Variants in TTC29 observed in about 807,000 individuals in gnomAD.
TTC29 encodes tetratricopeptide repeat domain 29, also known as tetratricopeptide repeat protein 29.
Under a neutral mutation model 58.1 loss-of-function variants are expected in TTC29, and 49 were observed. The observed-to-expected ratio is 0.84, with a 90% CI of 0.67 to 1.07. The LOEUF is 1.07. Ranked by LOEUF, TTC29 falls within the 50% of genes least tolerant of loss-of-function variation. The probability of loss-of-function intolerance (pLI) is 0.00; values close to 1 mark genes in which losing one functional copy is unlikely to be tolerated. For missense variants in TTC29, 582 were observed against 555.6 expected (o/e 1.05, Z -0.48); for synonymous variants, 209 against 196.8 (o/e 1.06, Z -0.52).
At chr4:146,801,680 A>G (rs1750229031) in intron 11 of TTC29, among the ~76,000 whole-genome samples, 1 of 152,154 alleles carries the variant, frequency 6.6e-6, no homozygotes, top group Non-Finnish European at 1.5e-5. Context: ...TTTACAGAAT[A>G]AAGAAAAACA....
At chr4:146,743,358 C>G (rs1745306501) in intron 11 of TTC29, among the ~76,000 whole-genome samples, 1 of 152,134 alleles carries the variant, frequency 6.6e-6, no homozygotes, top group Non-Finnish European at 1.5e-5. Flanking sequence ...ACCCAAGGTA[C>G]AGTCACTCTG....
rs540488448 is a variant in TTC29, at chr4:146,891,748, C to A, written c.586+11796G>T. ...CAGACAGAACCATGCTGAGGCACAG[C>A]CAGAGCACGAGTGTCTTGGGACATA... On this transcript the variant is annotated intron_variant, in intron 6 of 12. Transcript: ENST00000325106. Among the ~76,000 whole-genome samples, 3 of 152,254 alleles carry A rather than the reference C, an allele frequency of 2.0e-5. No homozygotes were observed. In the East Asian group the frequency reaches 5.8e-4, roughly 29 times the overall value.
chr4:146,709,810 G>A (rs1430720462), intron 11 of TTC29, among the ~76,000 whole-genome samples: 1 of 152,176 alleles, frequency 6.6e-6, no homozygotes, highest in African/African-American at 2.4e-5. Flanking sequence ...AATGACAATA[G>A]GGAAAATTGT....
At chr4:146,918,112 A>C (rs80238178) in intron 4 of TTC29, among the ~76,000 whole-genome samples, 1,771 of 151,172 alleles carry the variant, frequency 0.012, 33 homozygotes, top group African/African-American at 0.041. Flanking sequence ...ACTTTAGACG[A>C]AACTGTTACA....
At chr4:146,887,414 G>A (rs1164705507) in intron 6 of TTC29, among the ~76,000 whole-genome samples, 1 of 152,064 alleles carries the variant, frequency 6.6e-6, no homozygotes, top group Non-Finnish European at 1.5e-5. Context: ...CGTTAAATCA[G>A]TTTGAAAATC....
At chr4:146,894,330 C>T (rs988251171) in intron 6 of TTC29, among the ~76,000 whole-genome samples, 2 of 151,766 alleles carry the variant, frequency 1.3e-5, no homozygotes, top group East Asian at 3.9e-4. Flanking sequence ...CACATATACA[C>T]CATGGAATAC....
At chr4:146,845,414 T>A (rs1433388362) in intron 8 of TTC29, among the ~76,000 whole-genome samples, 2 of 152,194 alleles carry the variant, frequency 1.3e-5, no homozygotes, top group Non-Finnish European at 2.9e-5. Flanking sequence ...TATTTTTTTA[T>A]TAATAAATTC....
At chr4:146,794,885 G>T (rs1749730286) in intron 11 of TTC29, among the ~76,000 whole-genome samples, 1 of 152,058 alleles carries the variant, frequency 6.6e-6, no homozygotes, top group Non-Finnish European at 1.5e-5. Flanking sequence ...TTAATTCAGA[G>T]AAATCAGACT....
intron 4 of TTC29, among the ~76,000 whole-genome samples, chr4:146,909,731 T>C (rs1459690799): frequency 2.0e-5 from 3 of 152,188 alleles, no homozygotes; most frequent in Non-Finnish European, 2.9e-5. Context: ...TTACTAACTA[T>C]ATATTTTTTA....
At chr4:146,736,227 A>G (rs1744697651) in intron 11 of TTC29, among the ~76,000 whole-genome samples, 1 of 151,828 alleles carries the variant, frequency 6.6e-6, no homozygotes, top group African/African-American at 2.4e-5. Context: ...TTGGCTGGGG[A>G]CCCAAAGCCT....
chr4:146,831,281 A>T (rs1177102669), intron 9 of TTC29, among the ~76,000 whole-genome samples: 16 of 152,164 alleles, frequency 1.1e-4, no homozygotes, highest in Admixed American at 1.0e-3. Context: ...AATTAAAAAA[A>T]ATAGATAGGT....
At chr4:146,869,995 A>T (rs1451175701) in intron 7 of TTC29, among the ~76,000 whole-genome samples, 1 of 152,100 alleles carries the variant, frequency 6.6e-6, no homozygotes, top group African/African-American at 2.4e-5. Context: ...ACATAAAGAG[A>T]GAGAAAATAA....
chr4:146,914,477 T>G (rs1159548172), intron 4 of TTC29, among the ~76,000 whole-genome samples: 1 of 152,154 alleles, frequency 6.6e-6, no homozygotes, highest in Admixed American at 6.6e-5. Context: ...CTTGAACTGA[T>G]GCCATGATAC....
At chr4:146,711,245 T>C (rs1193260818) in intron 11 of TTC29, among the ~76,000 whole-genome samples, 1 of 152,140 alleles carries the variant, frequency 6.6e-6, no homozygotes, top group Non-Finnish European at 1.5e-5. Flanking sequence ...TTACCTTAAA[T>C]TTAAAACTCA....
At chr4:146,908,903 T>C in intron 5 of TTC29, 123 bp downstream of exon 5, 2 of 805,488 alleles carry the variant, frequency 2.5e-6, no homozygotes, top group Non-Finnish European at 4.0e-6. Flanking sequence ...TTTAATTGAC[T>C]GGGTTGAAGT....
intron 6 of TTC29, among the ~76,000 whole-genome samples, chr4:146,892,789 T>C (rs1374367563): frequency 1.3e-5 from 2 of 152,138 alleles, no homozygotes; most frequent in East Asian, 1.9e-4. Flanking sequence ...AAAACCCCAT[T>C]GTCTCAGCCC....
intron 4 of TTC29, among the ~76,000 whole-genome samples, chr4:146,913,697 T>C (rs543264554): frequency 2.4e-4 from 36 of 152,214 alleles, no homozygotes; most frequent in African/African-American, 8.4e-4. Context: ...GGGTCTGGTC[T>C]TTTTCTTCTG....
At chr4:146,735,939 T>C (rs1744678992) in intron 11 of TTC29, among the ~76,000 whole-genome samples, 1 of 152,138 alleles carries the variant, frequency 6.6e-6, no homozygotes, top group African/African-American at 2.4e-5. Flanking sequence ...AATATTTAGA[T>C]GGTTATTAAG....
At chr4:146,907,706 G>T (rs893015468) in intron 5 of TTC29, among the ~76,000 whole-genome samples, 1 of 152,016 alleles carries the variant, frequency 6.6e-6, no homozygotes, top group South Asian at 2.1e-4. Flanking sequence ...CACCATGTTG[G>T]CCAGGCTGGT....
Sources: allele counts gnomAD v4.1 joint callset (sites outside exome capture counted in the v4.1 genomes callset), GRCh38; gene constraint gnomAD v4.1.1; transcripts MANE v1.5; gene names NCBI Gene and HGNC (gene_info 2026-07-23, HGNC 2026-07-21).